PDXDC1: variants seen among roughly 807,000 people sequenced by gnomAD.
PDXDC1 encodes the protein pyridoxal dependent decarboxylase domain containing 1, also known as pyridoxal-dependent decarboxylase domain-containing protein 1.
A neutral mutation model predicts 100.1 loss-of-function variants in PDXDC1; 42 were observed. The observed-to-expected ratio is 0.42, with a 90% CI of 0.33 to 0.54. The LOEUF (loss-of-function observed/expected upper bound fraction) is 0.54. Among genes scored for constraint, PDXDC1 ranks in the 20% least tolerant of loss-of-function variants. The probability of loss-of-function intolerance (pLI) is 0.10; values close to 1 mark genes in which losing one functional copy is unlikely to be tolerated. For missense variants in PDXDC1, 636 were observed against 979.2 expected (o/e 0.65, Z 4.68); for synonymous variants, 260 against 371.7 (o/e 0.70, Z 3.46).
downstream of PDXDC1, among the ~76,000 whole-genome samples, chr16:15,139,849 G>T (rs1161340481): frequency 6.6e-6 from 1 of 152,108 alleles, no homozygotes; most frequent in Non-Finnish European, 1.5e-5. Context: ...TGTAATCCCA[G>T]AACTTTGGGA....
chr16:15,048,869 C>T (rs143374664), intron 16 of PDXDC1, among the ~76,000 whole-genome samples: 466 of 149,074 alleles, frequency 3.1e-3, no homozygotes, highest in Middle Eastern at 0.011. Context: ...AGCAATCCAC[C>T]CACCCTGGCC....
intron 1 of PDXDC1, among the ~76,000 whole-genome samples, chr16:14,990,904 C>G (rs2151265985): frequency 6.6e-6 from 1 of 152,396 alleles, no homozygotes; most frequent in South Asian, 2.1e-4. Flanking sequence ...CCATGCCCAG[C>G]TAATTTTTGT....
intron 16 of PDXDC1, chr16:15,094,431 C>G (rs960203247): frequency 1.6e-5 from 10 of 612,158 alleles, no homozygotes; most frequent in Non-Finnish European, 2.9e-5. Context: ...CTTGTTCCAG[C>G]CAGCGCTAGT....
chr16:15,152,074 G>A, the PDXDC1 span, among the ~76,000 whole-genome samples: 1 of 149,180 alleles, frequency 6.7e-6, no homozygotes, highest in Non-Finnish European at 1.5e-5. Context: ...GCCACGCAGA[G>A]CAGCACGTTT....
At chr16:14,992,043 A>G (rs1333409796) in intron 1 of PDXDC1, among the ~76,000 whole-genome samples, 1 of 152,296 alleles carries the variant, frequency 6.6e-6, no homozygotes, top group Non-Finnish European at 1.5e-5. Flanking sequence ...AGAAGCTTGT[A>G]ATCTAATTGG....
intron 16 of PDXDC1, among the ~76,000 whole-genome samples, chr16:15,090,933 T>C (rs1353848601): frequency 6.7e-6 from 1 of 150,290 alleles, no homozygotes; most frequent in African/African-American, 2.4e-5. Flanking sequence ...GCATGCAGCA[T>C]GGAGGAAAGA....
chr16:15,013,874 C>CA (rs58185654), intron 8 of PDXDC1, among the ~76,000 whole-genome samples: 19,466 of 129,292 alleles, frequency 0.15, 815 homozygotes, highest in East Asian at 0.32. Context: ...GTCTCTGTCT[C>CA]AAAAAAAAAA....
intron 16 of PDXDC1, chr16:15,061,665 A>G: frequency 1.4e-6 from 2 of 1,409,630 alleles, no homozygotes; most frequent in Non-Finnish European, 2.0e-6. Flanking sequence ...TCAATGCCCA[A>G]TGGCACAAGC....
intron 16 of PDXDC1, among the ~76,000 whole-genome samples, chr16:15,051,814 C>A (rs2044303269): frequency 6.6e-6 from 1 of 151,830 alleles, no homozygotes; most frequent in African/African-American, 2.4e-5. Context: ...AATCCTCCCA[C>A]CTCAGCCTCC....
chr16:15,080,023 A>G, intron 16 of PDXDC1: 5 of 1,599,280 alleles, frequency 3.1e-6, no homozygotes, highest in African/African-American at 1.3e-5. Context: ...TTTTTCAATA[A>G]TAAGCTCCAG....
At chr16:15,093,663 G>A (rs2046231671) in intron 16 of PDXDC1, among the ~76,000 whole-genome samples, 1 of 152,196 alleles carries the variant, frequency 6.6e-6, no homozygotes, top group Admixed American at 6.5e-5. Context: ...AAAGTTAAAC[G>A]CCAAGAGTGC....
chr16:14,990,872 C>G (rs1970615963), intron 1 of PDXDC1, among the ~76,000 whole-genome samples: 2 of 152,286 alleles, frequency 1.3e-5, no homozygotes, highest in South Asian at 4.1e-4. Flanking sequence ...TTCCGAGTAC[C>G]TAGGACTACA....
chr16:15,142,185 G>A (rs550144783), downstream of PDXDC1, among the ~76,000 whole-genome samples: 1 of 152,248 alleles, frequency 6.6e-6, no homozygotes, highest in Non-Finnish European at 1.5e-5. Context: ...CTGCTGCTGG[G>A]AGCTGACAAG....
rs1966601086 is a variant in PDXDC1, at chr16:14,975,151, G to C, written c.-49G>C. On this transcript the variant is annotated 5_prime_UTR_variant, in exon 1 of 23. Transcript: ENST00000396410. ...GTGGAAGGAGCTGCGGGGCGCGGGA[G>C]GAGGAAGTAGAGCCCGGGACCGCCA... 1 of 1,465,966 alleles carries C rather than the reference G, an allele frequency of 6.8e-7. No homozygotes were observed. Among genetic ancestry groups the C allele is most frequent in the East Asian group, 2.7e-5 (1 of 37,548 alleles). 90.8% of individuals were successfully genotyped at this position (1,465,966 alleles called of 1,614,324 possible). A position where few individuals can be genotyped will look rare whatever the true frequency, so the allele number is the denominator to read the frequency against.
intron 16 of PDXDC1, among the ~76,000 whole-genome samples, chr16:15,105,027 C>T (rs565093804): frequency 6.8e-6 from 1 of 146,562 alleles, no homozygotes; most frequent in African/African-American, 2.5e-5. Flanking sequence ...GGGTCCTGCC[C>T]CAGGGAAGAC....
At chr16:15,070,277 T>G (rs2045166394) in intron 16 of PDXDC1, 1 of 1,610,992 alleles carries the variant, frequency 6.2e-7, no homozygotes, top group Non-Finnish European at 8.5e-7. Flanking sequence ...AAAATTCAAG[T>G]CAACTTTACA....
intron 16 of PDXDC1, among the ~76,000 whole-genome samples, chr16:15,117,559 G>C (rs1213330737): frequency 6.6e-6 from 1 of 151,362 alleles, no homozygotes; most frequent in Non-Finnish European, 1.5e-5. Flanking sequence ...TGGGCATGGT[G>C]GTGGGCACCT....
intron 16 of PDXDC1, chr16:15,110,887 T>C: frequency 7.6e-7 from 1 of 1,321,392 alleles, no homozygotes. Context: ...CCCAGTACTT[T>C]GGGAGGCCGA....
At chr16:14,977,325 G>T (rs1421063588) in intron 1 of PDXDC1, among the ~76,000 whole-genome samples, 1 of 140,776 alleles carries the variant, frequency 7.1e-6, no homozygotes, top group Non-Finnish European at 1.5e-5. Context: ...TCTTGCCCAG[G>T]CTGGAGTGCA....
Sources: gnomAD v4.1 joint callset for allele counts (sites outside exome capture counted in the v4.1 genomes callset) on GRCh38, gnomAD v4.1.1 for gene constraint, MANE v1.5 for transcripts, NCBI Gene and HGNC (gene_info 2026-07-23, HGNC 2026-07-21) for gene names.